The following PODXL2 variants were observed in gnomAD, a reference collection of about 807,000 sequenced individuals.
The protein encoded by PODXL2 is podocalyxin like 2, also known as podocalyxin-like protein 2.
In PODXL2, 17 loss-of-function variants were observed where a neutral mutation model predicts 53.4. The observed-to-expected ratio is 0.32, with a 90% CI of 0.22 to 0.48. The LOEUF (loss-of-function observed/expected upper bound fraction) is 0.48. Among genes scored for constraint, PODXL2 ranks in the 20% least tolerant of loss-of-function variants. The pLI is 0.99. For missense variants in PODXL2, 673 were observed against 760.0 expected, an observed-to-expected ratio of 0.89 and a Z score of 1.35; for synonymous variants, 311 against 306.7, an observed-to-expected ratio of 1.01 and a Z score of -0.15.
chr3:127,669,261 C>T, intron 6 of PODXL2, 59 bp downstream of exon 6: 3 of 1,184,842 alleles, frequency 2.5e-6, no homozygotes, highest in Non-Finnish European at 3.7e-6. Flanking sequence ...TGTCTCTGTT[C>T]CTCAAAGTCC....
chr3:127,635,562 A>C (rs2074572561), intron 1 of PODXL2, among the ~76,000 whole-genome samples: 2 of 152,228 alleles, frequency 1.3e-5, no homozygotes, highest in South Asian at 4.1e-4. Flanking sequence ...ATTTCTGTGT[A>C]ATAAATCACC....
intron 2 of PODXL2, among the ~76,000 whole-genome samples, chr3:127,657,837 TCTTA>T (rs753182083): frequency 6.6e-6 from 1 of 152,248 alleles, no homozygotes; most frequent in Admixed American, 6.5e-5. Context: ...ATTATAAAGT[TCTTA>T]CTTACATTGA....
intron 1 of PODXL2, 28 bp from the exon 2 acceptor site, chr3:127,639,216 CT>C: frequency 1.3e-6 from 2 of 1,557,172 alleles, no homozygotes; most frequent in Non-Finnish European, 1.7e-6. Flanking sequence ...CTAGCCTCCC[CT>C]GACTGTCTGG....
chr3:127,672,225 G>C, intron 7 of PODXL2, 43 bp from the exon 8 acceptor site: 8 of 1,508,640 alleles, frequency 5.3e-6, no homozygotes, highest in Non-Finnish European at 7.1e-6. Context: ...CGCTGTCCGG[G>C]GGCTGGCTCG....
intron 2 of PODXL2, among the ~76,000 whole-genome samples, chr3:127,656,526 G>A (rs1479289502): frequency 6.6e-6 from 1 of 152,084 alleles, no homozygotes; most frequent in Non-Finnish European, 1.5e-5. Flanking sequence ...CATGAGGTCA[G>A]GAGTTCGAGA....
At chr3:127,668,709 G>C in intron 5 of PODXL2, 112 bp downstream of exon 5, 2 of 1,084,506 alleles carry the variant, frequency 1.8e-6, no homozygotes, top group Non-Finnish European at 2.5e-6. Context: ...TGGAACTCCA[G>C]GACAGTAGTT....
rs137932134 is a variant in PODXL2 at position 127,644,502 on chromosome 3, G to A, written c.349+4979G>A. Among the ~76,000 whole-genome samples the A allele has an allele frequency of 2.5e-4, 38 of 152,286 alleles. No homozygotes were observed. The South Asian group carries it at 7.3e-3, about 29-fold the overall frequency. ...GTTGAGACTATTGAGCGTCTAGTGT[G>A]AGGTAAGCAGTCACGCAGAGAGCAT... On this transcript the variant is annotated intron_variant, in intron 2 of 7. Transcript: ENST00000342480.
chr3:127,661,018 C>G lies in PODXL2; in HGVS notation c.990C>G (p.Thr330=). ...HPDEDPLGSR[T]SASSPLAPGD... ...ATGAAGATCCCCTTGGCTCTAGAAC[C>G]TCAGCCTCTTCCCCACTGGCCCCTG... Residue 330 remains threonine, a synonymous_variant, in exon 3 of 8, where the codon ACC becomes ACG. Transcript: ENST00000342480. 1.2e-6 allele frequency: 2 copies of G among 1,614,226 alleles called. No homozygotes were observed. Among genetic ancestry groups the G allele is most frequent in the Non-Finnish European group, 1.7e-6 (2 of 1,180,036 alleles).
At chr3:127,630,723 G>C (rs1437293190) in intron 1 of PODXL2, among the ~76,000 whole-genome samples, 1 of 152,204 alleles carries the variant, frequency 6.6e-6, no homozygotes, top group African/African-American at 2.4e-5. Context: ...GTCTAGGGAT[G>C]AAGAAAGGCC....
chr3:127,667,855 A>G (rs952453673), intron 4 of PODXL2, among the ~76,000 whole-genome samples: 2 of 151,980 alleles, frequency 1.3e-5, no homozygotes, highest in African/African-American at 2.4e-5. Context: ...TGGCTTCCCC[A>G]CTCAACAGCT....
intron 7 of PODXL2, 23 bp downstream of exon 7, chr3:127,671,636 C>T: frequency 1.2e-6 from 2 of 1,607,236 alleles, no homozygotes; most frequent in Non-Finnish European, 1.7e-6. Context: ...ACAGGTGGGG[C>T]TGGGGGCCAG....
Position 127,658,097 on chromosome 3 carries a change from T to C in PODXL2, c.350-2281T>C, listed in dbSNP as rs180734760. Among the ~76,000 whole-genome samples, 409 of 152,320 alleles carry C rather than the reference T, an allele frequency of 2.7e-3. 4 individuals are homozygous for C. Among genetic ancestry groups the C allele is most frequent in the Non-Finnish European group, 4.2e-3 (284 of 68,012 alleles). On this transcript the variant is annotated intron_variant, in intron 2 of 7. Coordinates refer to ENST00000342480, the MANE Select transcript of PODXL2 (RefSeq NM_015720.4). ...TATCTGTAGTGACTTCACTACAGAG[T>C]GTGTGCAGTAGGTGGAAGAGGGGGA...
chr3:127,667,889 A>G (rs1559879287), intron 4 of PODXL2, among the ~76,000 whole-genome samples: 2 of 152,196 alleles, frequency 1.3e-5, no homozygotes, highest in African/African-American at 2.4e-5. Flanking sequence ...CTGCGATGAC[A>G]GGCGAGAGGA....
chr3:127,661,429 A>G (rs1170746855), intron 3 of PODXL2, among the ~76,000 whole-genome samples: 1 of 148,868 alleles, frequency 6.7e-6, no homozygotes, highest in Non-Finnish European at 1.5e-5. Flanking sequence ...CCACCCTTAG[A>G]CATCTTTTGT....
chr3:127,663,664 G>A (rs1483453028), intron 4 of PODXL2, among the ~76,000 whole-genome samples: 1 of 152,256 alleles, frequency 6.6e-6, no homozygotes, highest in East Asian at 1.9e-4. Context: ...TGGCCTCTGA[G>A]TCCTTTTGAC....
chr3:127,630,432 GTGTA>G (rs1291830255), intron 1 of PODXL2, among the ~76,000 whole-genome samples: 1 of 152,222 alleles, frequency 6.6e-6, no homozygotes, highest in Non-Finnish European at 1.5e-5. Flanking sequence ...ATGTAGGAGT[GTGTA>G]TGTGCATGTA....
intron 6 of PODXL2, among the ~76,000 whole-genome samples, chr3:127,671,144 G>A (rs192805409): frequency 5.8e-4 from 88 of 152,300 alleles, no homozygotes; most frequent in Non-Finnish European, 1.1e-3. Flanking sequence ...CTCACTGGAG[G>A]CCTAGGGCCA....
At chr3:127,647,227 A>G (rs965214223) in intron 2 of PODXL2, among the ~76,000 whole-genome samples, 2 of 152,186 alleles carry the variant, frequency 1.3e-5, no homozygotes, top group Non-Finnish European at 2.9e-5. Context: ...GAGCAACCTC[A>G]ACAAAGCAGG....
chr3:127,637,202 C>T (rs1179940811), intron 1 of PODXL2, among the ~76,000 whole-genome samples: 1 of 152,160 alleles, frequency 6.6e-6, no homozygotes, highest in Non-Finnish European at 1.5e-5. Flanking sequence ...CAGAGCTTCA[C>T]GGGATCTTAG....
Sources: gnomAD v4.1 joint callset for allele counts (sites outside exome capture counted in the v4.1 genomes callset) on GRCh38, gnomAD v4.1.1 for gene constraint, MANE v1.5 for transcripts, NCBI Gene and HGNC (gene_info 2026-07-23, HGNC 2026-07-21) for gene names.